Variants in MEF2C observed in about 807,000 individuals in gnomAD.
The protein encoded by MEF2C is myocyte-specific enhancer factor 2C.
Under a neutral mutation model 50.5 loss-of-function variants are expected in MEF2C, and 6 were observed. That is an observed-to-expected ratio of 0.12 (90% CI 0.07 to 0.23). The LOEUF is 0.23. Ranked by LOEUF, MEF2C falls within the 10% of genes least tolerant of loss-of-function variation. The pLI, the probability that MEF2C is intolerant of heterozygous loss-of-function variation, is 1.00. For synonymous variants in MEF2C, 183 were observed against 228.0 expected (o/e 0.80, Z 1.78); for missense variants, 276 against 605.0 (o/e 0.46, Z 5.70).
intron 1 of MEF2C, among the ~76,000 whole-genome samples, chr5:88,840,148 C>A (rs1816801806): frequency 6.6e-6 from 1 of 152,130 alleles, no homozygotes; most frequent in Non-Finnish European, 1.5e-5. Context: ...TTAAGGCCTT[C>A]CGGAAAAGGA....
At position 88,882,938 on chromosome 5, in the gene MEF2C, A is replaced by T. The variant is rs1267825119; in HGVS notation, c.-143+17T>A. 2 of 152,136 alleles carry T rather than the reference A, an allele frequency of 1.3e-5. No homozygotes were observed. Among genetic ancestry groups the T allele is most frequent in the African/African-American group, 4.8e-5 (2 of 41,414 alleles). 9.4% of individuals were successfully genotyped at this position (152,136 alleles called of 1,614,324 possible). The stretch of plus-strand genomic sequence containing the variant: ...CCCGGGTTTTCTATTTCCTCGAGAA[A>T]TATCAGGGGTACTTACATGAAGGAA... On this transcript the variant is annotated intron_variant, in intron 1 of 10. Coordinates refer to ENST00000504921, the MANE Select transcript of MEF2C (RefSeq NM_002397.5).
chr5:88,812,369 A>G (rs1562175032), intron 2 of MEF2C, among the ~76,000 whole-genome samples: 2 of 152,170 alleles, frequency 1.3e-5, no homozygotes, highest in African/African-American at 4.8e-5. Flanking sequence ...ATAAATTTCT[A>G]TGGATGCTCA....
intron 5 of MEF2C, chr5:88,751,202 T>G: frequency 1.0e-6 from 1 of 982,480 alleles, no homozygotes; most frequent in Non-Finnish European, 1.2e-6. Context: ...ATGGATGAAC[T>G]TTTTCTGAGA....
chr5:88,735,498 T>C lies in MEF2C; in HGVS notation c.638-3597A>G, dbSNP rs549326304. On this transcript the variant is annotated intron_variant, in intron 6 of 10. Coordinates refer to ENST00000504921, the MANE Select transcript of MEF2C (RefSeq NM_002397.5). ...TTCCTGATTATAGATTATAAGAAAA[T>C]GAAGTACAGACCAACTTTAGAGTCA... 1.9e-5 allele frequency: 19 copies of C among 984,872 alleles called. No homozygotes were observed. The East Asian group carries it at 2.0e-3, about 106-fold the overall frequency. 61.0% of individuals were successfully genotyped at this position (984,872 alleles called of 1,614,324 possible).
intron 3 of MEF2C, among the ~76,000 whole-genome samples, chr5:88,781,860 C>A (rs1788235320): frequency 6.6e-6 from 1 of 152,132 alleles, no homozygotes; most frequent in African/African-American, 2.4e-5. Flanking sequence ...GTAGTCCCAG[C>A]TACTCGGGAG....
chr5:88,727,836 G>C (rs907518257), intron 10 of MEF2C, among the ~76,000 whole-genome samples: 2 of 151,908 alleles, frequency 1.3e-5, no homozygotes, highest in African/African-American at 2.4e-5. Context: ...TTAAAGGTTT[G>C]AACGTTTCCA....
chr5:88,750,939 T>A (rs1452584646), intron 5 of MEF2C: 1 of 340,012 alleles, frequency 2.9e-6, no homozygotes, highest in African/African-American at 2.2e-5. Context: ...TAGAGTACTT[T>A]TAAAAATATG....
chr5:88,791,515 A>G (rs902991420), intron 3 of MEF2C, among the ~76,000 whole-genome samples: 8 of 152,178 alleles, frequency 5.3e-5, no homozygotes, highest in Admixed American at 2.0e-4. Flanking sequence ...AATAACAGAG[A>G]CTAGAGGAAG....
chr5:88,726,565 T>A (rs1156721083), intron 10 of MEF2C, among the ~76,000 whole-genome samples: 2 of 151,960 alleles, frequency 1.3e-5, no homozygotes. Context: ...ACTGGAAGGG[T>A]CATTCCATTG....
chr5:88,880,585 G>C (rs1561469771), intron 1 of MEF2C, among the ~76,000 whole-genome samples: 1 of 152,098 alleles, frequency 6.6e-6, no homozygotes, highest in Non-Finnish European at 1.5e-5. Context: ...CTTTATAAAA[G>C]AAGTTTAAAT....
At chr5:88,842,796 T>A (rs536367178) in intron 1 of MEF2C, among the ~76,000 whole-genome samples, 1 of 152,346 alleles carries the variant, frequency 6.6e-6, no homozygotes, top group East Asian at 1.9e-4. Flanking sequence ...CTTATGAGAA[T>A]CTAAATAATA....
chr5:88,724,180 A>G (rs2152077983), intron 10 of MEF2C, among the ~76,000 whole-genome samples: 1 of 152,308 alleles, frequency 6.6e-6, no homozygotes, highest in South Asian at 2.1e-4. Flanking sequence ...AAGCAAGCCT[A>G]CTTACTAATG....
intron 1 of MEF2C, chr5:88,824,464 A>G (rs1024927338): frequency 7.2e-6 from 4 of 555,420 alleles, no homozygotes; most frequent in Non-Finnish European, 9.1e-6. Context: ...ATTTAAATCT[A>G]AATCCTTTAA....
rs527685699 is a variant in MEF2C at position 88,798,902 on chromosome 5, C to T, written c.258+5696G>A. On this transcript the variant is annotated intron_variant, in intron 3 of 10. Coordinates refer to ENST00000504921, the MANE Select transcript of MEF2C (RefSeq NM_002397.5). ...TTTTCCTTTTAACAGTCAGGCACCT[C>T]TGCTGCAGGTCTGCTGGAGTTTGCT... Among the ~76,000 whole-genome samples the T allele has an allele frequency of 1.1e-3, 174 of 152,328 alleles. 1 individual carries two copies. The South Asian group carries it at 0.015, about 13-fold the overall frequency.
intron 1 of MEF2C, among the ~76,000 whole-genome samples, chr5:88,834,899 G>A (rs1814461226): frequency 6.6e-6 from 1 of 152,122 alleles, no homozygotes; most frequent in African/African-American, 2.4e-5. Context: ...TAAAAATTCA[G>A]ATGGATACAA....
intron 3 of MEF2C, among the ~76,000 whole-genome samples, chr5:88,798,507 C>G (rs1281742622): frequency 6.6e-6 from 1 of 151,972 alleles, no homozygotes; most frequent in African/African-American, 2.4e-5. Context: ...TTATGTTCTT[C>G]TCTAAACTGG....
At chr5:88,872,156 A>G (rs1000375595) in intron 1 of MEF2C, among the ~76,000 whole-genome samples, 2 of 152,068 alleles carry the variant, frequency 1.3e-5, no homozygotes, top group Non-Finnish European at 1.5e-5. Context: ...TAATGTATAC[A>G]AAAGTGGATA....
chr5:88,819,399 G>C, intron 2 of MEF2C: 1 of 984,812 alleles, frequency 1.0e-6, no homozygotes, highest in Non-Finnish European at 1.2e-6. Flanking sequence ...AAAGCTTTGC[G>C]ATATCTGGGT....
chr5:88,815,136 A>AC (rs920654079), intron 2 of MEF2C, among the ~76,000 whole-genome samples: 1 of 152,158 alleles, frequency 6.6e-6, no homozygotes, highest in Non-Finnish European at 1.5e-5. Context: ...AATCAAATAA[A>AC]CCAGATTAAT....
Sources: gnomAD v4.1 joint callset for allele counts (sites outside exome capture counted in the v4.1 genomes callset) on GRCh38, gnomAD v4.1.1 for gene constraint, MANE v1.5 for transcripts, NCBI Gene and HGNC (gene_info 2026-07-23, HGNC 2026-07-21) for gene names.